CDKAL1: variants seen among roughly 807,000 people sequenced by gnomAD.
The protein encoded by CDKAL1 is threonylcarbamoyladenosine tRNA methylthiotransferase.
A neutral mutation model predicts 68.2 loss-of-function variants in CDKAL1; 32 were observed. The observed-to-expected ratio is 0.47, with a 90% confidence interval of 0.35 to 0.63. The LOEUF is 0.63. CDKAL1 is among the 30% of genes least tolerant of loss of function. The probability of loss-of-function intolerance (pLI) is 0.00; values close to 1 mark genes in which losing one functional copy is unlikely to be tolerated. For missense variants in CDKAL1, 606 were observed against 696.7 expected (o/e 0.87, Z 1.47); for synonymous variants, 234 against 244.3 (o/e 0.96, Z 0.39).
At chr6:21,152,028 G>T (rs1776435169) in intron 13 of CDKAL1, among the ~76,000 whole-genome samples, 1 of 152,186 alleles carries the variant, frequency 6.6e-6, no homozygotes, top group Admixed American at 6.5e-5. Flanking sequence ...AGTGACCTGT[G>T]CACTTTGAAA....
At chr6:20,840,528 T>C (rs1001629485) in intron 8 of CDKAL1, among the ~76,000 whole-genome samples, 3 of 152,200 alleles carry the variant, frequency 2.0e-5, no homozygotes, top group African/African-American at 7.2e-5. Context: ...CAATTGAAGA[T>C]AGAGACAGGA....
At chr6:20,838,786 A>G (rs1263234573) in intron 8 of CDKAL1, among the ~76,000 whole-genome samples, 1 of 152,086 alleles carries the variant, frequency 6.6e-6, no homozygotes, top group East Asian at 1.9e-4. Flanking sequence ...CATCCTGGCT[A>G]ACACGGTGAA....
At position 20,918,936 on chromosome 6, in the gene CDKAL1, A is replaced by G. The variant is rs535844492; in HGVS notation, c.743-36483A>G. On this transcript the variant is annotated intron_variant, in intron 9 of 15. Coordinates refer to ENST00000274695, the MANE Select transcript of CDKAL1 (RefSeq NM_017774.3). Reference sequence around the variant, plus strand: ...GGCCAACAGCAATATTGTGCTTATCATATCCTGGAATTCCTCACTTCTTCA... The same window carrying G: ...GGCCAACAGCAATATTGTGCTTATCGTATCCTGGAATTCCTCACTTCTTCA... 3.3e-5 allele frequency among the ~76,000 whole-genome samples: 5 copies of G among 152,322 alleles called. No individual in the cohort carries two copies. In the East Asian group the frequency reaches 9.6e-4, roughly 29 times the overall value.
chr6:20,845,799 T>A (rs1778354960), intron 8 of CDKAL1, among the ~76,000 whole-genome samples: 1 of 152,232 alleles, frequency 6.6e-6, no homozygotes, highest in African/African-American at 2.4e-5. Context: ...TAAGCATTTT[T>A]AAACTTTCTT....
At position 21,231,999 on chromosome 6, in the gene CDKAL1, T is replaced by G; in HGVS notation, c.*960T>G. Reference sequence around the variant, plus strand: ...CATTTTTGATCCATTGGGGTTTTTTTTTTGTTTTTGTTTTTTTTTTTTTTT... The same window carrying G: ...CATTTTTGATCCATTGGGGTTTTTTGTTTGTTTTTGTTTTTTTTTTTTTTT... On this transcript the variant is annotated 3_prime_UTR_variant, in exon 16 of 16. Transcript: ENST00000274695. 7.3e-6 allele frequency: 1 copy of G among 136,312 alleles called. No individual in the cohort carries two copies. The highest frequency in any genetic ancestry group is 2.5e-4 in the South Asian group (1 of 4,068). The allele number at this position is 136,312 out of a possible 1,614,324, so 8.4% of individuals were successfully genotyped here.
At chr6:21,123,350 G>A (rs1345305955) in intron 13 of CDKAL1, among the ~76,000 whole-genome samples, 1 of 152,144 alleles carries the variant, frequency 6.6e-6, no homozygotes, top group Non-Finnish European at 1.5e-5. Context: ...AGCTACTCAG[G>A]AGGCTGAGGT....
intron 4 of CDKAL1, among the ~76,000 whole-genome samples, chr6:20,612,291 A>G (rs1561965626): frequency 6.6e-6 from 1 of 152,096 alleles, no homozygotes; most frequent in African/African-American, 2.4e-5. Flanking sequence ...GCTGGATCAT[A>G]TGGTAGTTCT....
chr6:20,804,333 A>G (rs1158444970), intron 8 of CDKAL1, among the ~76,000 whole-genome samples: 5 of 152,254 alleles, frequency 3.3e-5, no homozygotes, highest in Non-Finnish European at 7.3e-5. Flanking sequence ...GAGAGAAAAT[A>G]GAATGAGAGA....
chr6:20,953,082 T>G (rs1173685880), intron 9 of CDKAL1, among the ~76,000 whole-genome samples: 1 of 152,244 alleles, frequency 6.6e-6, no homozygotes, highest in Non-Finnish European at 1.5e-5. Flanking sequence ...CATTGTGTTT[T>G]AAACCAGGTT....
intron 4 of CDKAL1, among the ~76,000 whole-genome samples, chr6:20,585,512 T>G (rs1319726995): frequency 1.3e-5 from 2 of 152,232 alleles, no homozygotes; most frequent in East Asian, 3.8e-4. Context: ...ACGGAGGCCC[T>G]TTTACTTGAA....
chr6:21,189,014 C>G (rs1261551816), intron 13 of CDKAL1, among the ~76,000 whole-genome samples: 1 of 152,160 alleles, frequency 6.6e-6, no homozygotes, highest in South Asian at 2.1e-4. Context: ...TTACTATTGG[C>G]TCTCGATCAG....
At chr6:20,662,277 C>A (rs1020037530) in intron 5 of CDKAL1, among the ~76,000 whole-genome samples, 3 of 152,016 alleles carry the variant, frequency 2.0e-5, no homozygotes, top group African/African-American at 7.2e-5. Flanking sequence ...CTTATGGTTA[C>A]ACTTAGGTGT....
intron 13 of CDKAL1, among the ~76,000 whole-genome samples, chr6:21,180,978 G>A (rs1230103492): frequency 6.6e-6 from 1 of 152,088 alleles, no homozygotes; most frequent in Non-Finnish European, 1.5e-5. Flanking sequence ...AAGTCCAAGA[G>A]CCTGGCAGCA....
At chr6:20,854,338 A>C (rs1328793715) in intron 9 of CDKAL1, among the ~76,000 whole-genome samples, 1 of 152,234 alleles carries the variant, frequency 6.6e-6, no homozygotes, top group Non-Finnish European at 1.5e-5. Context: ...GTTATGCCGA[A>C]GTCTCTGAAA....
chr6:20,944,613 G>A (rs1021744876), intron 9 of CDKAL1, among the ~76,000 whole-genome samples: 2 of 152,210 alleles, frequency 1.3e-5, no homozygotes, highest in South Asian at 2.1e-4. Flanking sequence ...CCAAAGTGCC[G>A]GGATTATAGG....
At chr6:20,840,098 T>C (rs556090425) in intron 8 of CDKAL1, among the ~76,000 whole-genome samples, 2 of 152,318 alleles carry the variant, frequency 1.3e-5, no homozygotes, top group African/African-American at 2.4e-5. Context: ...ATCTTTGACT[T>C]GGCTGGCTGT....
At chr6:20,690,648 AT>A (rs1562028631) in intron 5 of CDKAL1, among the ~76,000 whole-genome samples, 3 of 151,514 alleles carry the variant, frequency 2.0e-5, no homozygotes, top group African/African-American at 7.3e-5. Context: ...TTTTTTTTAT[AT>A]TTTTTTGATT....
intron 15 of CDKAL1, among the ~76,000 whole-genome samples, chr6:21,214,379 T>C (rs1779269915): frequency 6.6e-6 from 1 of 152,062 alleles, no homozygotes; most frequent in Non-Finnish European, 1.5e-5. Flanking sequence ...TCCCAGCATG[T>C]TCAGAATGAA....
At chr6:21,004,440 G>C (rs897507039) in intron 11 of CDKAL1, among the ~76,000 whole-genome samples, 2 of 152,192 alleles carry the variant, frequency 1.3e-5, no homozygotes, top group African/African-American at 4.8e-5. Flanking sequence ...CCTTTGCAAA[G>C]AAGAGCGTCT....
Sources: allele counts gnomAD v4.1 joint callset (sites outside exome capture counted in the v4.1 genomes callset), GRCh38; gene constraint gnomAD v4.1.1; transcripts MANE v1.5; gene names NCBI Gene and HGNC (gene_info 2026-07-23, HGNC 2026-07-21).